Variants in ADAM12 observed in about 807,000 individuals in gnomAD.
ADAM12 encodes ADAM metallopeptidase domain 12.
ADAM12 carries 70 observed loss-of-function variants against 106.4 expected under a neutral mutation model. The observed-to-expected ratio is 0.66, with a 90% CI of 0.54 to 0.80. ADAM12 has a LOEUF of 0.80. Ranked by LOEUF, ADAM12 falls within the 30% of genes least tolerant of loss-of-function variation. ADAM12 has a pLI of 0.00. For synonymous variants in ADAM12, 420 were observed against 433.5 expected (o/e 0.97, Z 0.39); for missense variants, 1,010 against 1,171.9 (o/e 0.86, Z 2.02).
chr10:126,153,294 G>C (rs1956760401), intron 4 of ADAM12, among the ~76,000 whole-genome samples: 1 of 152,092 alleles, frequency 6.6e-6, no homozygotes, highest in Non-Finnish European at 1.5e-5. Flanking sequence ...TCATTATTTT[G>C]TACAAATCTC....
chr10:126,105,352 T>C (rs1955744697), intron 8 of ADAM12, among the ~76,000 whole-genome samples: 1 of 152,218 alleles, frequency 6.6e-6, no homozygotes, highest in Non-Finnish European at 1.5e-5. Flanking sequence ...TTGGGTTTAA[T>C]ATAGTTTATC....
intron 3 of ADAM12, chr10:126,273,244 T>A (rs1259153681): frequency 3.9e-5 from 6 of 153,290 alleles, no homozygotes; most frequent in African/African-American, 1.4e-4. Flanking sequence ...ACAGGCACAA[T>A]CAGTGAAGAA....
intron 3 of ADAM12, among the ~76,000 whole-genome samples, chr10:126,229,263 G>A (rs1003551512): frequency 6.6e-6 from 1 of 152,150 alleles, no homozygotes; most frequent in Non-Finnish European, 1.5e-5. Flanking sequence ...CAATTGGCCT[G>A]AAAGTTCTTA....
At chr10:126,253,697 G>A (rs2279755) in intron 3 of ADAM12, among the ~76,000 whole-genome samples, 7 of 151,946 alleles carry the variant, frequency 4.6e-5, no homozygotes, top group Non-Finnish European at 1.5e-5. Flanking sequence ...TGGGTTGGGT[G>A]GGGGGAGGGC....
chr10:126,346,300 A>C (rs1024716927), intron 1 of ADAM12, among the ~76,000 whole-genome samples: 11 of 152,142 alleles, frequency 7.2e-5, no homozygotes, highest in Non-Finnish European at 1.5e-4. Context: ...ATTCAGGAGC[A>C]GGTTGTTCAG....
chr10:126,108,578 T>G lies in ADAM12; in HGVS notation c.741+15A>C, dbSNP rs199615828. On this transcript the variant is annotated intron_variant, in intron 8 of 22. Coordinates refer to ENST00000448723, the MANE Select transcript of ADAM12 (RefSeq NM_001288973.2). ...TACATGATCTGAATGATTTAACTACTGAAAAAGAACTTACCTTGTCAACGT... is the reference window on the plus strand; with the variant it reads ...TACATGATCTGAATGATTTAACTACGGAAAAAGAACTTACCTTGTCAACGT... 6.2e-7 allele frequency: 1 copy of G among 1,609,566 alleles called. No homozygotes were observed. Among genetic ancestry groups the G allele is most frequent in the South Asian group, 1.1e-5 (1 of 90,960 alleles).
chr10:126,263,763 T>C (rs1959045820), intron 3 of ADAM12, among the ~76,000 whole-genome samples: 1 of 152,188 alleles, frequency 6.6e-6, no homozygotes, highest in African/African-American at 2.4e-5. Context: ...GTGATTTCAG[T>C]TCCTACATGT....
chr10:126,121,130 A>AGTATATATAGTATATATAGTAT (rs369707256), intron 5 of ADAM12, among the ~76,000 whole-genome samples: 29,482 of 75,066 alleles, frequency 0.39, 6,824 homozygotes, highest in Non-Finnish European at 0.44. Context: ...TAGTATATAT[A>AGTATATATAGTATATATAGTAT]CTATATACTA....
At chr10:126,212,891 CT>C (rs907699878) in intron 3 of ADAM12, among the ~76,000 whole-genome samples, 3 of 151,548 alleles carry the variant, frequency 2.0e-5, no homozygotes, top group East Asian at 1.9e-4. Flanking sequence ...GTCAGAGTAA[CT>C]TTTTTTTTCT....
chr10:126,190,628 C>T (rs540679510), intron 3 of ADAM12, among the ~76,000 whole-genome samples: 38 of 152,070 alleles, frequency 2.5e-4, no homozygotes, highest in Non-Finnish European at 4.4e-4. Context: ...GCAGACAAAA[C>T]GTGAAGAGTG....
In ADAM12 at chr10:126,049,120, T is replaced by A. The variant is rs1954403875; in HGVS notation, c.1917+133A>T. The A allele has an allele frequency of 8.4e-7, 1 of 1,195,270 alleles. No individual in the cohort carries two copies. Among genetic ancestry groups the A allele is most frequent in the African/African-American group, 1.5e-5 (1 of 65,970 alleles). The allele number at this position is 1,195,270 out of a possible 1,614,324, so 74.0% of individuals were successfully genotyped here. A position where few individuals can be genotyped will look rare whatever the true frequency, so the allele number is the denominator to read the frequency against. ...GACCAGGATCTAGGATTTATTGACT[T>A]TTTCTTCTAGGTGCATCTGAGAAGA... On this transcript the variant is annotated intron_variant, in intron 16 of 22. Transcript: ENST00000448723. This position sits in a 1 kb window ranked among gnomAD's most constrained non-coding sequence, Gnocchi z 4.4.
intron 3 of ADAM12, among the ~76,000 whole-genome samples, chr10:126,267,421 T>G (rs6421960): frequency 6.6e-6 from 1 of 152,050 alleles, no homozygotes; most frequent in African/African-American, 2.4e-5. Flanking sequence ...CTCACCATCA[T>G]GTAGAATCAG....
chr10:126,148,473 G>C (rs1956669545), intron 4 of ADAM12, among the ~76,000 whole-genome samples: 1 of 152,184 alleles, frequency 6.6e-6, no homozygotes, highest in Non-Finnish European at 1.5e-5. Flanking sequence ...GCTGTTCTGG[G>C]CTGTGGGTTT....
At chr10:126,245,488 C>T (rs529099253) in intron 3 of ADAM12, among the ~76,000 whole-genome samples, 1 of 152,150 alleles carries the variant, frequency 6.6e-6, no homozygotes, top group Non-Finnish European at 1.5e-5. Flanking sequence ...GATAGGGGGA[C>T]CATCCTGAAG....
At chr10:126,245,090 T>C (rs1363669059) in intron 3 of ADAM12, among the ~76,000 whole-genome samples, 1 of 152,130 alleles carries the variant, frequency 6.6e-6, no homozygotes, top group Non-Finnish European at 1.5e-5. Flanking sequence ...ACAGAGATGT[T>C]GGAGTCACCT....
Position 126,238,556 on chromosome 10 carries a change from A to G in ADAM12, c.260+40359T>C, listed in dbSNP as rs577246644. 1.2e-4 allele frequency among the ~76,000 whole-genome samples: 18 copies of G among 152,308 alleles called. No homozygotes were observed. In the East Asian group the frequency reaches 3.5e-3, roughly 29 times the overall value. On this transcript the variant is annotated intron_variant, in intron 3 of 22. Transcript: ENST00000448723. Reference sequence around the variant, plus strand: ...TCAAGTTCTAAACCTATGTGTAACCATTTTACTATCTATATGCATCCCAAA... The same window carrying G: ...TCAAGTTCTAAACCTATGTGTAACCGTTTTACTATCTATATGCATCCCAAA...
chr10:126,093,867 T>C lies in ADAM12; in HGVS notation c.1145+118A>G, dbSNP rs529278400. 2.5e-5 allele frequency: 37 copies of C among 1,482,928 alleles called. No homozygotes were observed. The South Asian group carries it at 4.6e-4, about 18-fold the overall frequency. The allele number at this position is 1,482,928 out of a possible 1,614,324, so 91.9% of individuals were successfully genotyped here. A position where few individuals can be genotyped will look rare whatever the true frequency, so the allele number is the denominator to read the frequency against. ...TTGCTTCTTGGGAAGGAATTACTTT[T>C]TGGAAGCTTCCCTGGGTGCTCTGAC... On this transcript the variant is annotated intron_variant, in intron 11 of 22. Transcript: ENST00000448723.
At chr10:126,359,524 C>A (rs2133900611) in intron 1 of ADAM12, among the ~76,000 whole-genome samples, 1 of 152,306 alleles carries the variant, frequency 6.6e-6, no homozygotes, top group East Asian at 1.9e-4. Context: ...CACGCAAGTT[C>A]AAAATCCAGC....
chr10:126,151,851 T>C (rs1314664208), intron 4 of ADAM12, among the ~76,000 whole-genome samples: 1 of 151,962 alleles, frequency 6.6e-6, no homozygotes, highest in Non-Finnish European at 1.5e-5. Flanking sequence ...ATTCTTGTGA[T>C]TTAAAAAATC....
Sources: allele counts gnomAD v4.1 joint callset (sites outside exome capture counted in the v4.1 genomes callset), GRCh38; gene constraint gnomAD v4.1.1; non-coding constraint Gnocchi (gnomAD v3.1); transcripts MANE v1.5; gene names NCBI Gene and HGNC (gene_info 2026-07-23, HGNC 2026-07-21).